DCC: variants seen among roughly 807,000 people sequenced by gnomAD.
DCC encodes netrin receptor DCC.
DCC carries 58 observed loss-of-function variants against 172.5 expected under a neutral mutation model. The ratio of observed to expected loss-of-function variants is 0.34; its 90% CI spans 0.27 to 0.42. The LOEUF (loss-of-function observed/expected upper bound fraction) is 0.42, where lower values mean the gene tolerates loss of function less well. Among genes scored for constraint, DCC ranks in the 10% least tolerant of loss-of-function variants. DCC has a pLI of 1.00. For missense variants in DCC, 1,740 were observed against 1,791.0 expected (o/e 0.97, Z 0.51); for synonymous variants, 709 against 644.5 (o/e 1.10, Z -1.52).
At chr18:53,006,038 CAGAT>C (rs1183174748) in intron 5 of DCC, among the ~76,000 whole-genome samples, 5 of 152,236 alleles carry the variant, frequency 3.3e-5, no homozygotes, top group East Asian at 1.9e-4. Context: ...CAAGAGAACT[CAGAT>C]AGGATTATTT....
At chr18:53,371,282 A>G (rs1236425733) in intron 15 of DCC, among the ~76,000 whole-genome samples, 2 of 152,006 alleles carry the variant, frequency 1.3e-5, no homozygotes, top group African/African-American at 2.4e-5. Flanking sequence ...AATAGTTGGG[A>G]GTAAACAGCA....
intron 1 of DCC, among the ~76,000 whole-genome samples, chr18:52,516,996 C>T (rs2031662990): frequency 6.6e-6 from 1 of 152,136 alleles, no homozygotes; most frequent in Admixed American, 6.6e-5. Flanking sequence ...TAACCAGGCA[C>T]ACGTAAGCTA....
At chr18:52,970,940 T>TTGTGAAGC (rs2041020219) in intron 5 of DCC, among the ~76,000 whole-genome samples, 1 of 152,172 alleles carries the variant, frequency 6.6e-6, no homozygotes, top group Non-Finnish European at 1.5e-5. Context: ...AAAACTAATG[T>TTGTGAAGC]TGTGAAGCTT....
intron 28 of DCC, among the ~76,000 whole-genome samples, chr18:53,530,059 T>TCATG (rs1275582452): frequency 6.6e-6 from 1 of 152,196 alleles, no homozygotes; most frequent in Non-Finnish European, 1.5e-5. Context: ...TGTATCTATG[T>TCATG]CATGATACAG....
At chr18:52,644,414 TA>T (rs902752408) in intron 1 of DCC, among the ~76,000 whole-genome samples, 24 of 151,896 alleles carry the variant, frequency 1.6e-4, no homozygotes, top group African/African-American at 5.8e-4. Flanking sequence ...CCGTCTCTAC[TA>T]AAAAATACAA....
At chr18:52,708,161 G>A (rs111848832) in intron 1 of DCC, among the ~76,000 whole-genome samples, 8,824 of 152,074 alleles carry the variant, frequency 0.058, 843 homozygotes, top group African/African-American at 0.2. Context: ...AAAAATTTTG[G>A]CTGGGCACAG....
chr18:53,358,530 C>CTTTTTTTTTTTT lies in DCC; in HGVS notation c.2359+18634_2359+18645dup, dbSNP rs35093625. 4.2e-5 allele frequency among the ~76,000 whole-genome samples: 4 copies of CTTTTTTTTTTTT among 95,920 alleles called. 1 individual carries two copies. The highest frequency in any genetic ancestry group is 1.3e-4 in the African/African-American group (3 of 22,882). The allele number at this position is 95,920 out of a possible 152,430, so 62.9% of individuals were successfully genotyped here. A position where few individuals can be genotyped will look rare whatever the true frequency, so the allele number is the denominator to read the frequency against. The stretch of plus-strand genomic sequence containing the variant: ...GAAATGTAAGACATATTCTCTCTCT[C>CTTTTTTTTTTTT]TTTTTTTTTTTTTTTTTTTTTTGCG... On this transcript the variant is annotated intron_variant, in intron 15 of 28. Coordinates refer to ENST00000442544, the MANE Select transcript of DCC (RefSeq NM_005215.4).
At chr18:52,877,875 C>T (rs756985161) in intron 2 of DCC, among the ~76,000 whole-genome samples, 4 of 151,892 alleles carry the variant, frequency 2.6e-5, no homozygotes, top group African/African-American at 7.3e-5. Context: ...TTCCCTGTCC[C>T]GTATTCTCCT....
intron 1 of DCC, among the ~76,000 whole-genome samples, chr18:52,515,817 C>A (rs2031619062): frequency 6.8e-6 from 1 of 146,162 alleles, no homozygotes; most frequent in Admixed American, 7.0e-5. Context: ...AGACAAGCTA[C>A]AGACTAGGAG....
At chr18:53,439,175 A>G (rs73461194) in intron 22 of DCC, among the ~76,000 whole-genome samples, 19 of 152,348 alleles carry the variant, frequency 1.2e-4, no homozygotes, top group African/African-American at 4.3e-4. Context: ...ATAAATGATG[A>G]TAAGTATATA....
chr18:52,531,411 A>G (rs914385867), intron 1 of DCC, among the ~76,000 whole-genome samples: 1 of 152,230 alleles, frequency 6.6e-6, no homozygotes, highest in South Asian at 2.1e-4. Context: ...ACCAGCTTTA[A>G]CTAAAAGAAA....
intron 21 of DCC, among the ~76,000 whole-genome samples, chr18:53,422,210 A>AGAC (rs985786205): frequency 4.6e-5 from 7 of 152,180 alleles, no homozygotes; most frequent in Admixed American, 4.6e-4. Flanking sequence ...AGCTCCTGGA[A>AGAC]GACACTACCA....
In DCC at chr18:53,284,754, C is replaced by T. The variant is rs373483751; in HGVS notation, c.1912-20824C>T. ...AAGCTCAGAAGAAGACAGGAAAATG[C>T]GGGAAAATTTGGAACTCCCTAGAAA... On this transcript the variant is annotated intron_variant, in intron 12 of 28. Transcript: ENST00000442544. Among the ~76,000 whole-genome samples the T allele has an allele frequency of 8.7e-4, 132 of 152,136 alleles. 1 individual carries two copies. Among genetic ancestry groups the T allele is most frequent in the African/African-American group, 2.8e-3 (118 of 41,512 alleles).
rs1373776418 is a variant in DCC at position 52,962,789 on chromosome 18, G to A, written c.985+37419G>A. 9.1e-3 allele frequency among the ~76,000 whole-genome samples: 1,378 copies of A among 151,966 alleles called. 26 individuals are homozygous for A. The highest frequency in any genetic ancestry group is 0.032 in the African/African-American group (1,326 of 41,342). ...ACTATGCAGCCATAAAAAATGATGA[G>A]TTCATGTCCTTTGTAGGGACATGGA... On this transcript the variant is annotated intron_variant, in intron 5 of 28. Coordinates refer to ENST00000442544, the MANE Select transcript of DCC (RefSeq NM_005215.4).
chr18:53,375,294 G>C (rs188142082), intron 15 of DCC, among the ~76,000 whole-genome samples: 1 of 152,110 alleles, frequency 6.6e-6, no homozygotes, highest in African/African-American at 2.4e-5. Context: ...CTATGTCTTT[G>C]ATCCCTTGCC....
At chr18:52,799,195 C>T (rs948393991) in intron 2 of DCC, among the ~76,000 whole-genome samples, 3 of 152,216 alleles carry the variant, frequency 2.0e-5, no homozygotes, top group Admixed American at 2.0e-4. Flanking sequence ...CTACTTGAGA[C>T]TTCCATTAAT....
chr18:52,545,301 G>A (rs957587198), intron 1 of DCC, among the ~76,000 whole-genome samples: 2 of 152,216 alleles, frequency 1.3e-5, no homozygotes, highest in Admixed American at 6.5e-5. Context: ...ATGCCTTCTT[G>A]TATCAGGAAG....
At chr18:53,360,583 A>T (rs916424013) in intron 15 of DCC, among the ~76,000 whole-genome samples, 1 of 152,196 alleles carries the variant, frequency 6.6e-6, no homozygotes, top group African/African-American at 2.4e-5. Context: ...CATGCTATAA[A>T]TCATTTAAAA....
Position 52,533,918 on chromosome 18 carries a change from T to G in DCC, c.91+193040T>G, listed in dbSNP as rs544063374. Among the ~76,000 whole-genome samples the G allele has an allele frequency of 2.0e-5, 3 of 151,970 alleles. No individual in the cohort carries two copies. In the East Asian group the frequency reaches 5.8e-4, roughly 29 times the overall value. ...TCACCAAGATTTCATGCTGTTACTA[T>G]TTTTTTTATTTTAGCTATTCTGGTA... On this transcript the variant is annotated intron_variant, in intron 1 of 28. Transcript: ENST00000442544.
Sources: allele counts gnomAD v4.1 joint callset (sites outside exome capture counted in the v4.1 genomes callset), GRCh38; gene constraint gnomAD v4.1.1; transcripts MANE v1.5; gene names NCBI Gene and HGNC (gene_info 2026-07-23, HGNC 2026-07-21).